Variants in ARHGAP15 observed in about 807,000 individuals in gnomAD.
ARHGAP15 encodes Rho GTPase activating protein 15.
In ARHGAP15, 51 loss-of-function variants were observed where a neutral mutation model predicts 63.7. The observed-to-expected ratio is 0.80, with a 90% CI of 0.64 to 1.01. ARHGAP15 has a LOEUF of 1.01. Among genes scored for constraint, ARHGAP15 ranks in the 50% least tolerant of loss-of-function variants. ARHGAP15 has a pLI of 0.00. For synonymous variants in ARHGAP15, 191 were observed against 193.8 expected (o/e 0.99, Z 0.12); for missense variants, 560 against 564.6 (o/e 0.99, Z 0.08).
At chr2:143,569,167 T>C (rs1341802317) in intron 11 of ARHGAP15, among the ~76,000 whole-genome samples, 1 of 136,870 alleles carries the variant, frequency 7.3e-6, no homozygotes, top group Non-Finnish European at 1.7e-5. Flanking sequence ...TATAATAATT[T>C]AAACAAAAAA....
intron 6 of ARHGAP15, among the ~76,000 whole-genome samples, chr2:143,324,588 A>T (rs1354867708): frequency 2.0e-5 from 3 of 152,180 alleles, no homozygotes. Context: ...CTGTACTTGA[A>T]CGTACAGGGT....
At chr2:143,640,823 G>A (rs1418125084) in intron 12 of ARHGAP15, 1 of 152,080 alleles carries the variant, frequency 6.6e-6, no homozygotes, top group African/African-American at 2.4e-5. Context: ...GTTTATTCTA[G>A]TTGTTTCAGA....
intron 6 of ARHGAP15, among the ~76,000 whole-genome samples, chr2:143,392,627 C>G (rs1341955700): frequency 6.6e-6 from 1 of 152,142 alleles, no homozygotes; most frequent in Admixed American, 6.6e-5. Flanking sequence ...GTGGCTGTTT[C>G]AGCAGCTTGA....
At chr2:143,492,744 AGAGT>A (rs1435004243) in intron 9 of ARHGAP15, among the ~76,000 whole-genome samples, 1 of 152,174 alleles carries the variant, frequency 6.6e-6, no homozygotes, top group Admixed American at 6.5e-5. Context: ...CCTGGGTGAC[AGAGT>A]GAGACTCCCT....
chr2:143,201,840 C>G (rs994625231), intron 2 of ARHGAP15, among the ~76,000 whole-genome samples: 1 of 152,092 alleles, frequency 6.6e-6, no homozygotes, highest in East Asian at 1.9e-4. Flanking sequence ...TTTATTGAAG[C>G]AGGCATAAGG....
intron 6 of ARHGAP15, among the ~76,000 whole-genome samples, chr2:143,291,026 A>G (rs1174627820): frequency 1.3e-5 from 2 of 152,268 alleles, no homozygotes; most frequent in African/African-American, 2.4e-5. Flanking sequence ...GAGGATACAC[A>G]GTACTGTTCT....
At chr2:143,276,351 AAG>A (rs2105067417) in intron 6 of ARHGAP15, among the ~76,000 whole-genome samples, 1 of 152,308 alleles carries the variant, frequency 6.6e-6, no homozygotes, top group South Asian at 2.1e-4. Flanking sequence ...GTTTAAATGA[AAG>A]AATTTACAGA....
At chr2:143,534,274 C>T (rs1435674838) in intron 10 of ARHGAP15, among the ~76,000 whole-genome samples, 2 of 152,190 alleles carry the variant, frequency 1.3e-5, no homozygotes, top group Non-Finnish European at 2.9e-5. Context: ...TCGCCTTCCA[C>T]CCTTACTGTA....
chr2:143,373,670 G>A (rs1477475432), intron 6 of ARHGAP15, among the ~76,000 whole-genome samples: 15 of 137,110 alleles, frequency 1.1e-4, no homozygotes, highest in African/African-American at 3.4e-4. Context: ...ACACAGAAAT[G>A]TCTCAAGCAA....
chr2:143,317,041 C>CCT (rs137938747), intron 6 of ARHGAP15, among the ~76,000 whole-genome samples: 27 of 151,164 alleles, frequency 1.8e-4, no homozygotes, highest in Middle Eastern at 3.2e-3. Context: ...CCTGTCTATC[C>CCT]CTCTCTCTCT....
At chr2:143,758,424 T>C (rs553739158) in intron 13 of ARHGAP15, among the ~76,000 whole-genome samples, 1 of 151,954 alleles carries the variant, frequency 6.6e-6, no homozygotes, top group Non-Finnish European at 1.5e-5. Flanking sequence ...TTTTCAATAG[T>C]TCTGATTAGT....
chr2:143,316,824 T>C (rs1683741918), intron 6 of ARHGAP15, among the ~76,000 whole-genome samples: 1 of 152,036 alleles, frequency 6.6e-6, no homozygotes, highest in South Asian at 2.1e-4. Context: ...ATAAATCACT[T>C]CCTAACTCAG....
At chr2:143,494,657 C>A (rs938075904) in intron 9 of ARHGAP15, among the ~76,000 whole-genome samples, 2 of 152,008 alleles carry the variant, frequency 1.3e-5, no homozygotes, top group African/African-American at 2.4e-5. Flanking sequence ...AAATTAGTGA[C>A]TTTGCCCAAA....
chr2:143,552,380 T>C (rs554224592), intron 10 of ARHGAP15, among the ~76,000 whole-genome samples: 1 of 152,200 alleles, frequency 6.6e-6, no homozygotes, highest in South Asian at 2.1e-4. Flanking sequence ...AAACTGTCCA[T>C]ATTTTGGCAG....
chr2:143,443,882 G>A (rs755420312), intron 8 of ARHGAP15, among the ~76,000 whole-genome samples: 7 of 152,094 alleles, frequency 4.6e-5, no homozygotes, highest in Non-Finnish European at 8.8e-5. Flanking sequence ...TCTGGGACCC[G>A]TAGATTGCAC....
chr2:143,150,758 A>C (rs1310884454), intron 1 of ARHGAP15, among the ~76,000 whole-genome samples: 1 of 152,020 alleles, frequency 6.6e-6, no homozygotes, highest in Non-Finnish European at 1.5e-5. Flanking sequence ...ACATAAAAAC[A>C]CAAGGCATCA....
intron 3 of ARHGAP15, among the ~76,000 whole-genome samples, chr2:143,208,254 G>T (rs78593159): frequency 6.6e-6 from 1 of 152,070 alleles, no homozygotes; most frequent in African/African-American, 2.4e-5. Context: ...CAGGAAACAC[G>T]AGAGACATTG....
chr2:143,140,974 G>A (rs781137068), intron 1 of ARHGAP15, among the ~76,000 whole-genome samples: 7 of 152,152 alleles, frequency 4.6e-5, no homozygotes, highest in African/African-American at 7.2e-5. Flanking sequence ...TGGGCAGTAG[G>A]TTCAGGGTGG....
At chr2:143,763,105 T>A (rs1686819090) in intron 13 of ARHGAP15, among the ~76,000 whole-genome samples, 1 of 152,136 alleles carries the variant, frequency 6.6e-6, no homozygotes, top group African/African-American at 2.4e-5. Flanking sequence ...TCAGAAATAA[T>A]CTCTAGCTGG....
Sources: gnomAD v4.1 joint callset for allele counts (sites outside exome capture counted in the v4.1 genomes callset) on GRCh38, gnomAD v4.1.1 for gene constraint, MANE v1.5 for transcripts, NCBI Gene and HGNC (gene_info 2026-07-23, HGNC 2026-07-21) for gene names.